Variants in SCFD2 observed in about 807,000 individuals in gnomAD.
SCFD2 encodes the protein sec1 family domain-containing protein 2.
Under a neutral mutation model 58.9 loss-of-function variants are expected in SCFD2, and 54 were observed. The observed-to-expected ratio is 0.92, with a 90% confidence interval of 0.74 to 1.15. The LOEUF (loss-of-function observed/expected upper bound fraction) is 1.15, where lower values mean the gene tolerates loss of function less well. Ranked by LOEUF, SCFD2 falls within the 50% of genes most tolerant of loss-of-function variation. The pLI is 0.00. For synonymous variants in SCFD2, 321 were observed against 335.9 expected (o/e 0.96, Z 0.49); for missense variants, 805 against 836.6 (o/e 0.96, Z 0.47).
intron 5 of SCFD2, among the ~76,000 whole-genome samples, chr4:53,025,171 A>G (rs1722443149): frequency 6.6e-6 from 1 of 152,234 alleles, no homozygotes; most frequent in African/African-American, 2.4e-5. Context: ...CTGGGTGGCC[A>G]CATCTGAAAC....
At chr4:52,913,516 G>A (rs1719536092) in intron 6 of SCFD2, among the ~76,000 whole-genome samples, 1 of 152,104 alleles carries the variant, frequency 6.6e-6, no homozygotes, top group Non-Finnish European at 1.5e-5. Flanking sequence ...CTAGTTTCAG[G>A]AAAACAAGCT....
At chr4:53,342,916 C>A (rs1343495084) in intron 2 of SCFD2, among the ~76,000 whole-genome samples, 1 of 152,136 alleles carries the variant, frequency 6.6e-6, no homozygotes, top group Non-Finnish European at 1.5e-5. Context: ...CCAATGAGAA[C>A]AGAGACACAA....
chr4:53,201,595 G>A (rs34734231), intron 4 of SCFD2, among the ~76,000 whole-genome samples: 67,903 of 151,692 alleles, frequency 0.45, 16,218 homozygotes, highest in Admixed American at 0.52. Flanking sequence ...CTGAGGAATC[G>A]CCACACTGAC....
intron 5 of SCFD2, among the ~76,000 whole-genome samples, chr4:53,042,340 T>C (rs1286613647): frequency 3.5e-5 from 5 of 142,660 alleles, no homozygotes; most frequent in Non-Finnish European, 7.7e-5. Flanking sequence ...TGTGTGTGTA[T>C]ATATATATAT....
intron 5 of SCFD2, among the ~76,000 whole-genome samples, chr4:53,038,015 C>G (rs1477019950): frequency 6.6e-6 from 1 of 152,066 alleles, no homozygotes; most frequent in African/African-American, 2.4e-5. Flanking sequence ...TTTATTAAGT[C>G]TGCATTCAGT....
rs1281865812 is a variant in SCFD2, at chr4:53,331,083, G to A, written c.1008-17320C>T. Among the ~76,000 whole-genome samples the A allele has an allele frequency of 5.9e-5, 9 of 151,390 alleles. No homozygotes were observed. The South Asian group carries it at 6.3e-4, about 11-fold the overall frequency. On this transcript the variant is annotated intron_variant, in intron 2 of 8. Transcript: ENST00000401642. The stretch of plus-strand genomic sequence containing the variant: ...TATATGCACCCAATACAGGAGCACC[G>A]AGATTCATAAAGCAAGTCCTGAGTG...
chr4:53,220,678 A>G (rs1487461375), intron 4 of SCFD2, among the ~76,000 whole-genome samples: 1 of 152,218 alleles, frequency 6.6e-6, no homozygotes, highest in East Asian at 1.9e-4. Flanking sequence ...ATAACATCTT[A>G]ATATCTGTAA....
intron 5 of SCFD2, among the ~76,000 whole-genome samples, chr4:53,087,781 C>T (rs181499847): frequency 1.3e-5 from 2 of 151,656 alleles, no homozygotes; most frequent in Non-Finnish European, 2.9e-5. Flanking sequence ...CTGCCTCAGC[C>T]TCCCGAGTAG....
Position 53,248,764 on chromosome 4 carries a change from C to G in SCFD2, c.1311+25062G>C, listed in dbSNP as rs189837403. 8.7e-3 allele frequency among the ~76,000 whole-genome samples: 1,330 copies of G among 152,244 alleles called. 18 individuals are homozygous for G. Among genetic ancestry groups the G allele is most frequent in the African/African-American group, 0.03 (1,254 of 41,532 alleles). Reference sequence around the variant, plus strand: ...AGGGTCCTGTCTGTTAGAAGGAAAACGAACAAACAGAAAGGACACCCACAC... The same window carrying G: ...AGGGTCCTGTCTGTTAGAAGGAAAAGGAACAAACAGAAAGGACACCCACAC... On this transcript the variant is annotated intron_variant, in intron 4 of 8. Coordinates refer to ENST00000401642, the MANE Select transcript of SCFD2 (RefSeq NM_152540.4).
chr4:53,106,016 C>A lies in SCFD2; in HGVS notation c.1561+39317G>T, dbSNP rs1286248933. ...AGGAAGGAACAGGCAGTAATCTTTGCTGTTCTGCAGGCTCCACTGGTGATA... is the reference window on the plus strand; with the variant it reads ...AGGAAGGAACAGGCAGTAATCTTTGATGTTCTGCAGGCTCCACTGGTGATA... On this transcript the variant is annotated intron_variant, in intron 5 of 8. Transcript: ENST00000401642. 3.0e-4 allele frequency among the ~76,000 whole-genome samples: 46 copies of A among 152,162 alleles called. 1 individual carries two copies. The highest frequency in any genetic ancestry group is 3.0e-3 in the Admixed American group (46 of 15,274).
intron 5 of SCFD2, among the ~76,000 whole-genome samples, chr4:53,076,730 G>A (rs1723987693): frequency 6.6e-6 from 1 of 152,152 alleles, no homozygotes; most frequent in Non-Finnish European, 1.5e-5. Context: ...AAATGGTGAT[G>A]AGCAGGAGCT....
At chr4:53,148,689 T>C (rs893124361) in intron 4 of SCFD2, among the ~76,000 whole-genome samples, 1 of 152,178 alleles carries the variant, frequency 6.6e-6, no homozygotes, top group Non-Finnish European at 1.5e-5. Flanking sequence ...TTCATACTCT[T>C]ATTGCTGGCT....
chr4:53,173,357 A>T (rs1159627450), intron 4 of SCFD2, among the ~76,000 whole-genome samples: 1 of 152,196 alleles, frequency 6.6e-6, no homozygotes, highest in Non-Finnish European at 1.5e-5. Flanking sequence ...AAGTCAAAAA[A>T]TCATAAGTCA....
chr4:52,951,060 C>T (rs534756151), intron 5 of SCFD2: 2 of 152,268 alleles, frequency 1.3e-5, no homozygotes, highest in South Asian at 2.1e-4. Flanking sequence ...AACATTTATC[C>T]TGAGACTGAT....
intron 5 of SCFD2, among the ~76,000 whole-genome samples, chr4:53,057,720 T>C (rs1723387490): frequency 6.6e-6 from 1 of 152,130 alleles, no homozygotes; most frequent in South Asian, 2.1e-4. Context: ...ACAGGGTGCT[T>C]GCTTATAAAA....
chr4:53,245,790 C>A (rs2149030253), intron 4 of SCFD2, among the ~76,000 whole-genome samples: 1 of 152,266 alleles, frequency 6.6e-6, no homozygotes, highest in South Asian at 2.1e-4. Context: ...AAAACTGCCA[C>A]AAGACAAGGG....
chr4:53,144,306 C>A (rs928013202), intron 5 of SCFD2, among the ~76,000 whole-genome samples: 1 of 150,556 alleles, frequency 6.6e-6, no homozygotes, highest in Non-Finnish European at 1.5e-5. Context: ...AAAATACACA[C>A]ACATATGTAA....
At chr4:53,020,039 G>A (rs1276393633) in intron 5 of SCFD2, among the ~76,000 whole-genome samples, 1 of 152,118 alleles carries the variant, frequency 6.6e-6, no homozygotes, top group African/African-American at 2.4e-5. Context: ...GCCAAGAATT[G>A]CAATGCAGTT....
chr4:53,336,317 T>C (rs1733681783), intron 2 of SCFD2, among the ~76,000 whole-genome samples: 6 of 152,078 alleles, frequency 3.9e-5, no homozygotes, highest in Admixed American at 3.9e-4. Context: ...GAAAGTGATA[T>C]TATTCTATTT....
Sources: allele counts gnomAD v4.1 joint callset (sites outside exome capture counted in the v4.1 genomes callset), GRCh38; gene constraint gnomAD v4.1.1; transcripts MANE v1.5; gene names NCBI Gene and HGNC (gene_info 2026-07-23, HGNC 2026-07-21).